The following SPON1 variants were observed in gnomAD, a reference collection of about 807,000 sequenced individuals.
SPON1 encodes spondin-1.
SPON1 carries 52 observed loss-of-function variants against 111.7 expected under a neutral mutation model. That is an observed-to-expected ratio of 0.47 (90% CI 0.37 to 0.59). The LOEUF (loss-of-function observed/expected upper bound fraction) is 0.59, where lower values mean the gene tolerates loss of function less well. SPON1 is among the 20% of genes least tolerant of loss of function. The pLI is 0.00. For synonymous variants in SPON1, 410 were observed against 395.8 expected (o/e 1.04, Z -0.43); for missense variants, 957 against 1,068.5 (o/e 0.90, Z 1.46).
Position 14,041,587 on chromosome 11 carries a change from C to T in SPON1, c.412C>T (p.Arg138Trp). Residue 138 changes from arginine to tryptophan, a missense_variant, in exon 3 of 16, where the codon CGG becomes TGG. Arg to Trp is a moderately radical substitution (Grantham distance 101, BLOSUM62 -3). Transcript: ENST00000576479. ...TGTTGCAGTCACTGAAAGCACTCCA[C>T]GGAGGAGGACCCGGATCCAGGTGTT... ...CPVAVTESTP[R>W]RRTRIQVFWI... 6.2e-7 allele frequency: 1 copy of T among 1,613,868 alleles called. No individual in the cohort carries two copies. The highest frequency in any genetic ancestry group is 2.2e-5 in the East Asian group (1 of 44,880).
chr11:14,136,284 C>G (rs904514466), intron 6 of SPON1, among the ~76,000 whole-genome samples: 143 of 152,290 alleles, frequency 9.4e-4, no homozygotes, highest in African/African-American at 3.3e-3. Context: ...CTTTAGCCAT[C>G]ACTACCCACA....
intron 2 of SPON1, among the ~76,000 whole-genome samples, chr11:14,007,479 C>T (rs1300095288): frequency 6.6e-6 from 1 of 152,134 alleles, no homozygotes; most frequent in African/African-American, 2.4e-5. Context: ...CATTTTCTGC[C>T]TGCTTTATAT....
At chr11:14,189,888 C>G (rs1325959773) in intron 6 of SPON1, among the ~76,000 whole-genome samples, 1 of 152,142 alleles carries the variant, frequency 6.6e-6, no homozygotes, top group African/African-American at 2.4e-5. Context: ...GAAACACAGA[C>G]AGTTAGCTGG....
chr11:14,047,114 G>A (rs564403661), intron 3 of SPON1, among the ~76,000 whole-genome samples: 17 of 152,086 alleles, frequency 1.1e-4, no homozygotes, highest in East Asian at 5.8e-4. Flanking sequence ...TGGGATTGTC[G>A]ATGTAAATGA....
chr11:14,121,357 C>T (rs986876623), intron 5 of SPON1, among the ~76,000 whole-genome samples: 8 of 152,100 alleles, frequency 5.3e-5, no homozygotes, highest in Admixed American at 1.3e-4. Flanking sequence ...GAGTAATTTT[C>T]CTCTGAATGC....
At chr11:14,171,535 T>A (rs1458626913) in intron 6 of SPON1, among the ~76,000 whole-genome samples, 1 of 152,356 alleles carries the variant, frequency 6.6e-6, no homozygotes, top group Non-Finnish European at 1.5e-5. Context: ...TTCTGCTAGC[T>A]TTTGAATGTG....
At chr11:14,153,798 T>TA (rs528631238) in intron 6 of SPON1, among the ~76,000 whole-genome samples, 1 of 151,874 alleles carries the variant, frequency 6.6e-6, no homozygotes, top group African/African-American at 2.4e-5. Flanking sequence ...GTGTGTAAAA[T>TA]AAAAAAACAA....
chr11:14,102,235 A>C (rs969096845), intron 5 of SPON1, among the ~76,000 whole-genome samples: 1 of 152,172 alleles, frequency 6.6e-6, no homozygotes, highest in Admixed American at 6.5e-5. Flanking sequence ...TCATATCACT[A>C]TAATGTAAAC....
intron 1 of SPON1, among the ~76,000 whole-genome samples, chr11:13,975,653 T>C (rs1848097651): frequency 6.6e-6 from 1 of 152,292 alleles, no homozygotes; most frequent in Non-Finnish European, 1.5e-5. Flanking sequence ...CTGAGTGTCA[T>C]GGGCTGTAGG....
intron 2 of SPON1, among the ~76,000 whole-genome samples, chr11:14,032,409 T>C (rs1367624147): frequency 6.6e-6 from 1 of 152,210 alleles, no homozygotes; most frequent in Non-Finnish European, 1.5e-5. Context: ...TAAAAGTGTC[T>C]TCCTCCCATG....
intron 4 of SPON1, among the ~76,000 whole-genome samples, chr11:14,075,964 A>T (rs1303786556): frequency 6.6e-6 from 1 of 152,152 alleles, no homozygotes; most frequent in African/African-American, 2.4e-5. Context: ...ATTGTAACAA[A>T]GCTCATGGAG....
chr11:14,260,977 C>T (rs1350517547), intron 14 of SPON1, among the ~76,000 whole-genome samples: 5 of 152,134 alleles, frequency 3.3e-5, no homozygotes, highest in African/African-American at 1.2e-4. Flanking sequence ...GTTAAGGTTC[C>T]TGTGAAGTCT....
intron 1 of SPON1, among the ~76,000 whole-genome samples, chr11:13,978,139 G>T (rs1161558472): frequency 6.6e-6 from 1 of 152,126 alleles, no homozygotes; most frequent in Admixed American, 6.5e-5. Context: ...ATAGTCCACT[G>T]GCTTAGTTTC....
intron 3 of SPON1, among the ~76,000 whole-genome samples, chr11:14,074,457 G>A (rs1310374281): frequency 6.6e-6 from 1 of 152,188 alleles, no homozygotes; most frequent in South Asian, 2.1e-4. Context: ...CTATAATACA[G>A]TCAAGGAATC....
chr11:14,208,194 G>A (rs1163757955), intron 6 of SPON1, among the ~76,000 whole-genome samples: 3 of 152,060 alleles, frequency 2.0e-5, no homozygotes, highest in African/African-American at 7.2e-5. Flanking sequence ...TGCATGCTGG[G>A]GCCTATTGGA....
intron 6 of SPON1, among the ~76,000 whole-genome samples, chr11:14,139,709 A>AATATATATATATATATATATATAT (rs57464043): frequency 6.9e-5 from 10 of 145,400 alleles, no homozygotes; most frequent in African/African-American, 2.3e-4. Flanking sequence ...AAACATGTAA[A>AATATATATATATATATATATATAT]ATATATATAT....
chr11:14,204,605 CAA>C (rs1362660655), intron 6 of SPON1, among the ~76,000 whole-genome samples: 3 of 151,226 alleles, frequency 2.0e-5, no homozygotes, highest in Admixed American at 6.6e-5. Flanking sequence ...AGATTTTCAA[CAA>C]AGAGTCTTGA....
chr11:14,263,982 G>A (rs1489573272), intron 15 of SPON1, among the ~76,000 whole-genome samples: 1 of 150,558 alleles, frequency 6.6e-6, no homozygotes, highest in Non-Finnish European at 1.5e-5. Context: ...TGAGCCAAGA[G>A]CACACCATTG....
intron 6 of SPON1, among the ~76,000 whole-genome samples, chr11:14,197,461 C>T (rs189641539): frequency 3.4e-4 from 51 of 150,794 alleles, no homozygotes; most frequent in Middle Eastern, 3.4e-3. Flanking sequence ...ACTTTATTCA[C>T]TTTGGAAGGA....
Sources: allele counts gnomAD v4.1 joint callset (sites outside exome capture counted in the v4.1 genomes callset), GRCh38; gene constraint gnomAD v4.1.1; transcripts MANE v1.5; gene names NCBI Gene and HGNC (gene_info 2026-07-23, HGNC 2026-07-21).